PRR16: variants seen among roughly 807,000 people sequenced by gnomAD.
The protein encoded by PRR16 is proline rich 16.
A neutral mutation model predicts 18.2 loss-of-function variants in PRR16; 6 were observed. The ratio of observed to expected loss-of-function variants is 0.33; its 90% CI spans 0.18 to 0.65. The LOEUF is 0.65. Among genes scored for constraint, PRR16 ranks in the 30% least tolerant of loss-of-function variants. The pLI is 0.74. For synonymous variants in PRR16, 151 were observed against 147.8 expected, an observed-to-expected ratio of 1.02 and a Z score of -0.16; for missense variants, 412 against 376.6, an observed-to-expected ratio of 1.09 and a Z score of -0.78.
chr5:120,644,807 G>A (rs1561590581), intron 1 of PRR16, among the ~76,000 whole-genome samples: 1 of 152,150 alleles, frequency 6.6e-6, no homozygotes, highest in Admixed American at 6.6e-5. Context: ...TGGTGAAACA[G>A]TGTTGCTGGT....
intron 1 of PRR16, among the ~76,000 whole-genome samples, chr5:120,539,305 C>T (rs1241085921): frequency 6.7e-6 from 1 of 150,214 alleles, no homozygotes; most frequent in Non-Finnish European, 1.5e-5. Context: ...ATAATATTTT[C>T]CCTGGAAGAT....
At chr5:120,762,792 T>G in the PRR16 span, among the ~76,000 whole-genome samples, 2 of 152,182 alleles carry the variant, frequency 1.3e-5, no homozygotes, top group East Asian at 3.9e-4. Flanking sequence ...AATACTTTCA[T>G]TAGTCTATTT....
chr5:120,614,797 C>T (rs1191915082), intron 1 of PRR16, among the ~76,000 whole-genome samples: 1 of 152,150 alleles, frequency 6.6e-6, no homozygotes, highest in African/African-American at 2.4e-5. Context: ...AAAGTAGTGG[C>T]AATTATGAAG....
At chr5:120,542,465 A>ATT (rs148338312) in intron 1 of PRR16, among the ~76,000 whole-genome samples, 7,827 of 152,234 alleles carry the variant, frequency 0.051, 210 homozygotes, top group African/African-American at 0.077. Flanking sequence ...AAATTAAGAC[A>ATT]TTAACATGGA....
At chr5:120,727,921 T>C in the PRR16 span, among the ~76,000 whole-genome samples, 1 of 151,982 alleles carries the variant, frequency 6.6e-6, no homozygotes, top group African/African-American at 2.4e-5. Context: ...GACAAATGTG[T>C]TAATAATAGA....
chr5:120,762,342 A>G, the PRR16 span, among the ~76,000 whole-genome samples: 1 of 152,132 alleles, frequency 6.6e-6, no homozygotes, highest in Non-Finnish European at 1.5e-5. Context: ...AGTAGTATGT[A>G]AGAGTTCTTT....
At chr5:120,542,497 C>G (rs1444462695) in intron 1 of PRR16, among the ~76,000 whole-genome samples, 1 of 152,110 alleles carries the variant, frequency 6.6e-6, no homozygotes, top group Non-Finnish European at 1.5e-5. Flanking sequence ...TAACAAAACT[C>G]CAAACTCTAT....
At chr5:120,625,771 T>G (rs556836021) in intron 1 of PRR16, among the ~76,000 whole-genome samples, 20 of 152,154 alleles carry the variant, frequency 1.3e-4, no homozygotes, top group African/African-American at 4.8e-4. Flanking sequence ...ATCATCTGGT[T>G]TTATCAGCAC....
intron 1 of PRR16, among the ~76,000 whole-genome samples, chr5:120,628,838 T>G (rs1281403361): frequency 6.6e-6 from 1 of 152,066 alleles, no homozygotes; most frequent in Non-Finnish European, 1.5e-5. Flanking sequence ...TTGTTTGAAA[T>G]AAACACATAT....
At chr5:120,548,739 A>T (rs1445829146) in intron 1 of PRR16, among the ~76,000 whole-genome samples, 1 of 152,018 alleles carries the variant, frequency 6.6e-6, no homozygotes, top group African/African-American at 2.4e-5. Flanking sequence ...GTAATGTATC[A>T]TTGTGAAGGC....
intron 1 of PRR16, among the ~76,000 whole-genome samples, chr5:120,606,548 AT>A (rs1454044147): frequency 6.6e-6 from 1 of 152,082 alleles, no homozygotes; most frequent in Non-Finnish European, 1.5e-5. Flanking sequence ...ATAATTATTA[AT>A]GATTTTTTTC....
the PRR16 span, among the ~76,000 whole-genome samples, chr5:120,731,485 T>C: frequency 6.6e-6 from 1 of 152,116 alleles, no homozygotes; most frequent in African/African-American, 2.4e-5. Flanking sequence ...TGTTGGTAAT[T>C]GCAATCAGGC....
the PRR16 span, among the ~76,000 whole-genome samples, chr5:120,719,146 T>C: frequency 1.8e-3 from 277 of 152,232 alleles, 3 homozygotes; most frequent in African/African-American, 6.4e-3. Flanking sequence ...ACAAGTAAAA[T>C]ATCATTGTTA....
chr5:120,713,735 T>C, the PRR16 span, among the ~76,000 whole-genome samples: 1 of 152,196 alleles, frequency 6.6e-6, no homozygotes, highest in African/African-American at 2.4e-5. Flanking sequence ...AGTACATCTT[T>C]TTATATGATA....
chr5:120,785,424 C>T, the PRR16 span, among the ~76,000 whole-genome samples: 27 of 152,026 alleles, frequency 1.8e-4, no homozygotes, highest in Non-Finnish European at 2.9e-4. Flanking sequence ...AGTGGGAAAG[C>T]TTTGACTGCC....
In PRR16 at chr5:120,464,345, C is replaced by A; in HGVS notation, c.-142C>A. 1 of 879,442 alleles carries A rather than the reference C, an allele frequency of 1.1e-6. No homozygotes were observed. Among genetic ancestry groups the A allele is most frequent in the South Asian group, 2.5e-5 (1 of 39,806 alleles). The allele number at this position is 879,442 out of a possible 1,614,324, so 54.5% of individuals were successfully genotyped here. Reference sequence around the variant, plus strand: ...TGCGGCCGCCCGGCCGAGCGCGGAGCGCAGCCACTCGCCGCTGCCCAGGGA... The same window carrying A: ...TGCGGCCGCCCGGCCGAGCGCGGAGAGCAGCCACTCGCCGCTGCCCAGGGA... On this transcript the variant is annotated 5_prime_UTR_variant, in exon 1 of 2. Transcript: ENST00000407149.
At chr5:120,735,990 T>A in the PRR16 span, among the ~76,000 whole-genome samples, 5 of 152,188 alleles carry the variant, frequency 3.3e-5, no homozygotes, top group Non-Finnish European at 1.5e-5. Context: ...AATTAATTTG[T>A]GTACACCATG....
At chr5:120,760,680 C>G in the PRR16 span, among the ~76,000 whole-genome samples, 1 of 152,058 alleles carries the variant, frequency 6.6e-6, no homozygotes, top group Non-Finnish European at 1.5e-5. Flanking sequence ...CACATTAGAC[C>G]TTTGTGTAGA....
At chr5:120,743,153 C>G in the PRR16 span, among the ~76,000 whole-genome samples, 1 of 152,204 alleles carries the variant, frequency 6.6e-6, no homozygotes, top group Non-Finnish European at 1.5e-5. Flanking sequence ...CTCCCACACT[C>G]TTTTCTCCTT....
Sources: allele counts gnomAD v4.1 joint callset (sites outside exome capture counted in the v4.1 genomes callset), GRCh38; gene constraint gnomAD v4.1.1; transcripts MANE v1.5; gene names NCBI Gene and HGNC (gene_info 2026-07-23, HGNC 2026-07-21).